Variants in SEL1L observed in about 807,000 individuals in gnomAD.
SEL1L encodes SEL1L adaptor subunit of SYVN1 ubiquitin ligase, also known as protein sel-1 homolog 1.
SEL1L carries 52 observed loss-of-function variants against 109.8 expected under a neutral mutation model. The ratio of observed to expected loss-of-function variants is 0.47; its 90% CI spans 0.38 to 0.60. The LOEUF is 0.60. SEL1L is among the 20% of genes least tolerant of loss of function. SEL1L has a pLI of 0.00. For synonymous variants in SEL1L, 373 were observed against 339.6 expected (o/e 1.10, Z -1.08); for missense variants, 749 against 962.2 (o/e 0.78, Z 2.93).
At chr14:81,487,339 C>T in intron 16 of SEL1L, 51 bp downstream of exon 16, 1 of 1,504,424 alleles carries the variant, frequency 6.6e-7, no homozygotes. Context: ...CGCAGACTTT[C>T]CTGCTGGGCA....
rs759190793 is a variant in SEL1L, at chr14:81,487,537, A to T, written c.1485T>A (p.Asn495Lys). ...TATAATCTCTCTTGACTCCAATGCC[A>T]TCTGTAAGAAAAAAAAAAATCACAC... The part of the protein sequence containing the change: ...GQLQLGSMYY[N>K]GIGVKRDYKQ... The change falls in exon 16 of 21, where the codon AAT becomes AAA. Residue 495 changes from asparagine to lysine, a missense_variant and splice_region_variant. Physicochemically the swap from Asn to Lys is moderately conservative, Grantham distance 94. Coordinates refer to ENST00000336735, the MANE Select transcript of SEL1L (RefSeq NM_005065.6). 2 of 1,593,452 alleles carry T rather than the reference A, an allele frequency of 1.3e-6. No individual in the cohort carries two copies. Among genetic ancestry groups the T allele is most frequent in the Admixed American group, 3.7e-5 (2 of 53,432 alleles).
At chr14:81,497,303 G>T (rs944433224) in intron 10 of SEL1L, among the ~76,000 whole-genome samples, 5 of 151,932 alleles carry the variant, frequency 3.3e-5, no homozygotes, top group Admixed American at 3.3e-4. Flanking sequence ...TGCAAACTTA[G>T]TGGAAAAAAA....
At chr14:81,482,398 G>C (rs1284481311) in intron 19 of SEL1L, among the ~76,000 whole-genome samples, 1 of 152,082 alleles carries the variant, frequency 6.6e-6, no homozygotes, top group East Asian at 1.9e-4. Context: ...AATAAAGTCA[G>C]CTGGGTGCAG....
chr14:81,479,437 C>T (rs1903273041), intron 20 of SEL1L, 175 bp downstream of exon 20: 3 of 454,818 alleles, frequency 6.6e-6, no homozygotes, highest in Non-Finnish European at 1.1e-5. Context: ...CTGCTTTATG[C>T]CTGCATTTAT....
Position 81,498,057 on chromosome 14 carries a change from G to C in SEL1L, c.974-11C>G. 6.2e-7 allele frequency: 1 copy of C among 1,606,958 alleles called. No individual in the cohort carries two copies. The highest frequency in any genetic ancestry group is 8.5e-7 in the Non-Finnish European group (1 of 1,177,188). On this transcript the variant is annotated splice_polypyrimidine_tract_variant and intron_variant, in intron 9 of 20. Transcript: ENST00000336735. ...AGATATCACTAGCAACTGAAATAGA[G>C]GGATAAAACAATAAGGTGGAGGAAA...
At chr14:81,520,014 CAG>C (rs1200135801) in intron 3 of SEL1L, among the ~76,000 whole-genome samples, 1 of 152,062 alleles carries the variant, frequency 6.6e-6, no homozygotes, top group Non-Finnish European at 1.5e-5. Flanking sequence ...GGCCTGTAAA[CAG>C]GGGAGTTATG....
chr14:81,486,578 T>G, intron 16 of SEL1L, 124 bp from the exon 17 acceptor site: 1 of 845,496 alleles, frequency 1.2e-6, no homozygotes. Context: ...GGCAGCTTTC[T>G]TGAACAGACA....
intron 10 of SEL1L, 119 bp from the exon 11 acceptor site, chr14:81,495,256 A>G (rs979646629): frequency 2.4e-6 from 2 of 844,868 alleles, no homozygotes; most frequent in African/African-American, 3.4e-5. Context: ...CAAAAAACAA[A>G]AAGATTTAGT....
At chr14:81,529,241 A>T (rs1359654360) in intron 1 of SEL1L, among the ~76,000 whole-genome samples, 2 of 152,178 alleles carry the variant, frequency 1.3e-5, no homozygotes, top group Non-Finnish European at 2.9e-5. Flanking sequence ...ATGTGGTTCA[A>T]ATTCCATTCT....
intron 3 of SEL1L, among the ~76,000 whole-genome samples, chr14:81,513,414 G>T (rs1210684501): frequency 6.6e-6 from 1 of 152,112 alleles, no homozygotes; most frequent in Admixed American, 6.6e-5. Context: ...CTTCACTCCT[G>T]AAGTCAGTGA....
rs562062753 is a variant in SEL1L at position 81,527,924 on chromosome 14, T to C, written c.71-186A>G. 1.4e-4 allele frequency among the ~76,000 whole-genome samples: 21 copies of C among 151,100 alleles called. 1 individual carries two copies. Among genetic ancestry groups the C allele is most frequent in the African/African-American group, 5.1e-4 (21 of 41,194 alleles). Reference sequence around the variant, plus strand: ...AGATCAAGTGAAAGGAAAAAAAAAATGGGTTGGGGGTTTAGTTTCTCTCTT... The same window carrying C: ...AGATCAAGTGAAAGGAAAAAAAAAACGGGTTGGGGGTTTAGTTTCTCTCTT... On this transcript the variant is annotated intron_variant, in intron 1 of 20. Transcript: ENST00000336735.
intron 20 of SEL1L, 155 bp downstream of exon 20, chr14:81,479,457 G>C: frequency 5.2e-6 from 3 of 580,302 alleles, no homozygotes; most frequent in Non-Finnish European, 8.1e-6. Flanking sequence ...TCCCTCCCCT[G>C]ATAAGGTCCT....
chr14:81,525,694 C>T (rs1358287799), intron 3 of SEL1L, among the ~76,000 whole-genome samples: 1 of 152,002 alleles, frequency 6.6e-6, no homozygotes, highest in African/African-American at 2.4e-5. Context: ...GATCTCCCAG[C>T]AAAACATAAA....
intron 11 of SEL1L, among the ~76,000 whole-genome samples, chr14:81,492,916 T>A (rs943339191): frequency 6.6e-6 from 1 of 152,196 alleles, no homozygotes; most frequent in Non-Finnish European, 1.5e-5. Context: ...AATGATAACC[T>A]GGGAGAAAGG....
Position 81,474,739 on chromosome 14 carries a change from G to A in SEL1L, c.*2233C>T, listed in dbSNP as rs1473681359. 6.6e-6 allele frequency: 1 copy of A among 152,136 alleles called. No individual in the cohort carries two copies. The highest frequency in any genetic ancestry group is 1.5e-5 in the Non-Finnish European group (1 of 68,020). 9.4% of individuals were successfully genotyped at this position (152,136 alleles called of 1,614,324 possible). On this transcript the variant is annotated 3_prime_UTR_variant, in exon 21 of 21. Coordinates refer to ENST00000336735, the MANE Select transcript of SEL1L (RefSeq NM_005065.6). ...TGAAAGACACCATTCACAAACTGCT[G>A]GCAGCAAGTGACCCAGGGTAAAATG... is the stretch of plus-strand genomic sequence containing the variant.
At chr14:81,516,136 G>A (rs532575667) in intron 3 of SEL1L, among the ~76,000 whole-genome samples, 32 of 152,340 alleles carry the variant, frequency 2.1e-4, no homozygotes, top group African/African-American at 7.7e-4. Context: ...CTCTGGACCA[G>A]AAGCCCCCAA....
Position 81,474,068 on chromosome 14 carries a change from A to C in SEL1L, c.*2904T>G, listed in dbSNP as rs1191703470. ...GGTAAAAATTAACCTAATATGCAAA[A>C]AAGTAACAAATCCTTAGTATCAAGA... On this transcript the variant is annotated 3_prime_UTR_variant, in exon 21 of 21. Transcript: ENST00000336735. 5 of 152,034 alleles carry C rather than the reference A, an allele frequency of 3.3e-5. No individual in the cohort carries two copies. The highest frequency in any genetic ancestry group is 9.7e-5 in the African/African-American group (4 of 41,428). 9.4% of individuals were successfully genotyped at this position (152,034 alleles called of 1,614,324 possible). A position where few individuals can be genotyped will look rare whatever the true frequency, so the allele number is the denominator to read the frequency against.
chr14:81,497,830 TC>T, intron 10 of SEL1L, 61 bp downstream of exon 10: 1 of 1,482,952 alleles, frequency 6.7e-7, no homozygotes, highest in Non-Finnish European at 9.2e-7. Context: ...CTTGCTCCCG[TC>T]CCCCACAGAT....
intron 3 of SEL1L, among the ~76,000 whole-genome samples, chr14:81,509,794 G>A (rs1453957299): frequency 6.6e-6 from 1 of 152,154 alleles, no homozygotes; most frequent in Non-Finnish European, 1.5e-5. Flanking sequence ...CATATCTTCA[G>A]ATCCAGCTTT....
Sources: allele counts gnomAD v4.1 joint callset (sites outside exome capture counted in the v4.1 genomes callset), GRCh38; gene constraint gnomAD v4.1.1; transcripts MANE v1.5; gene names NCBI Gene and HGNC (gene_info 2026-07-23, HGNC 2026-07-21).